Variants in NLN observed in about 807,000 individuals in gnomAD.
The protein encoded by NLN is neurolysin.
In NLN, 64 loss-of-function variants were observed where a neutral mutation model predicts 79.9. The ratio of observed to expected loss-of-function variants is 0.80; its 90% confidence interval spans 0.65 to 0.99. NLN has a LOEUF of 0.99. Ranked by LOEUF, NLN falls within the 50% of genes least tolerant of loss-of-function variation. The pLI is 0.00. For synonymous variants in NLN, 267 were observed against 296.6 expected, an observed-to-expected ratio of 0.90 and a Z score of 1.02; for missense variants, 835 against 858.7, an observed-to-expected ratio of 0.97 and a Z score of 0.34.
chr5:65,815,672 C>A (rs994616532), intron 12 of NLN, among the ~76,000 whole-genome samples: 1 of 152,126 alleles, frequency 6.6e-6, no homozygotes, highest in Admixed American at 6.5e-5. Context: ...TGGCCCCTCA[C>A]CCTCACACCC....
chr5:65,729,914 A>C (rs1046105727), intron 1 of NLN, among the ~76,000 whole-genome samples: 2 of 152,260 alleles, frequency 1.3e-5, no homozygotes, highest in African/African-American at 4.8e-5. Context: ...AGAGTCGACT[A>C]TATAAATCTA....
chr5:65,815,634 C>G (rs1431406139), intron 12 of NLN, among the ~76,000 whole-genome samples: 1 of 152,136 alleles, frequency 6.6e-6, no homozygotes, highest in Non-Finnish European at 1.5e-5. Context: ...AATAATGGAC[C>G]TGGCTCCAAA....
In NLN at chr5:65,828,976, G is replaced by A. The variant is rs531088821; in HGVS notation, c.*6061G>A. On this transcript the variant is annotated 3_prime_UTR_variant, in exon 13 of 13. Coordinates refer to ENST00000380985, the MANE Select transcript of NLN (RefSeq NM_020726.5). The stretch of plus-strand genomic sequence containing the variant: ...TACCGGTTTTCTGGTGGGTATCTGG[G>A]AACTGAGGATGGGAGATTAACTGTT... The A allele has an allele frequency of 1.3e-5, 2 of 152,324 alleles. No homozygotes were observed. Among genetic ancestry groups the A allele is most frequent in the East Asian group, 3.9e-4 (2 of 5,184 alleles). The allele number at this position is 152,324 out of a possible 1,614,324, so 9.4% of individuals were successfully genotyped here. A position where few individuals can be genotyped will look rare whatever the true frequency, so the allele number is the denominator to read the frequency against.
chr5:65,801,604 G>A (rs1392354757), intron 9 of NLN, among the ~76,000 whole-genome samples: 3 of 152,220 alleles, frequency 2.0e-5, no homozygotes, highest in African/African-American at 7.2e-5. Context: ...AAATTAGTAA[G>A]CACTAGGGTT....
chr5:65,794,352 C>T (rs758543400), intron 9 of NLN, among the ~76,000 whole-genome samples: 5 of 152,128 alleles, frequency 3.3e-5, no homozygotes, highest in Non-Finnish European at 5.9e-5. Flanking sequence ...AGCTCACACC[C>T]ACAACCCCAG....
intron 4 of NLN, among the ~76,000 whole-genome samples, chr5:65,777,937 A>C (rs184343175): frequency 2.8e-4 from 43 of 152,340 alleles, no homozygotes; most frequent in Non-Finnish European, 4.6e-4. Context: ...ACAGACAAAC[A>C]ACTGATAACT....
At chr5:65,783,703 TAA>T (rs11403265) in intron 6 of NLN, among the ~76,000 whole-genome samples, 1 of 133,360 alleles carries the variant, frequency 7.5e-6, no homozygotes. Context: ...CTATGAAAAT[TAA>T]AAAAAAAAAA....
chr5:65,728,083 G>A (rs1758517799), intron 1 of NLN, among the ~76,000 whole-genome samples: 1 of 152,008 alleles, frequency 6.6e-6, no homozygotes, highest in South Asian at 2.1e-4. Flanking sequence ...AACACAGCTT[G>A]GTTTTTTAAA....
At chr5:65,732,135 A>C (rs1177666447) in intron 1 of NLN, among the ~76,000 whole-genome samples, 1 of 152,206 alleles carries the variant, frequency 6.6e-6, no homozygotes, top group Non-Finnish European at 1.5e-5. Flanking sequence ...TTTTAAAAAG[A>C]CTTCTTCAAA....
At position 65,789,177 on chromosome 5, in the gene NLN, C is replaced by T. The variant is rs978920065; in HGVS notation, c.1325+693C>T. Among the ~76,000 whole-genome samples, 46 of 152,140 alleles carry T rather than the reference C, an allele frequency of 3.0e-4. 1 individual carries two copies. The highest frequency in any genetic ancestry group is 1.0e-3 in the African/African-American group (43 of 41,428). The stretch of plus-strand genomic sequence containing the variant: ...AAAGACTCTACTCTTCCATATTTCT[C>T]ACATGGGCTTCTTAGTATACAGATT... On this transcript the variant is annotated intron_variant, in intron 8 of 12. Coordinates refer to ENST00000380985, the MANE Select transcript of NLN (RefSeq NM_020726.5).
intron 9 of NLN, among the ~76,000 whole-genome samples, chr5:65,802,114 C>A (rs1384216533): frequency 6.6e-6 from 1 of 152,232 alleles, no homozygotes; most frequent in Non-Finnish European, 1.5e-5. Context: ...ACCTCTGTGA[C>A]CAGTGGTACC....
chr5:65,787,982 C>T lies in NLN; in HGVS notation c.959-136C>T, dbSNP rs530466664. ...TTCCTCCCTCACGTTTTTCCTCCTC[C>T]TTTACCTCTTTCCGCCTTATTTATC... On this transcript the variant is annotated intron_variant, in intron 7 of 12. Transcript: ENST00000380985. The T allele has an allele frequency of 3.6e-5, 30 of 822,594 alleles. No individual in the cohort carries two copies. The East Asian group carries it at 4.3e-4, about 12-fold the overall frequency. The allele number at this position is 822,594 out of a possible 1,614,324, so 51.0% of individuals were successfully genotyped here.
At chr5:65,741,652 G>A (rs1758871537) in intron 1 of NLN, among the ~76,000 whole-genome samples, 1 of 152,114 alleles carries the variant, frequency 6.6e-6, no homozygotes, top group South Asian at 2.1e-4. Flanking sequence ...TGTGCCAAAA[G>A]CAATTTATTC....
At chr5:65,803,772 A>G (rs1760345933) in intron 9 of NLN, among the ~76,000 whole-genome samples, 1 of 152,176 alleles carries the variant, frequency 6.6e-6, no homozygotes, top group Admixed American at 6.5e-5. Flanking sequence ...AGCTATGCCC[A>G]GGAGGGTGAG....
Position 65,788,438 on chromosome 5 carries a change from G to A in NLN, c.1279G>A (p.Ala427Thr), listed in dbSNP as rs1177277556. The change falls in exon 8 of 13, where the codon GCT (alanine) becomes ACT (threonine). Residue 427 changes from alanine to threonine, a missense_variant. Coordinates refer to ENST00000380985, the MANE Select transcript of NLN (RefSeq NM_020726.5). Reference sequence around the variant, plus strand: ...TACACTTTATACTGTGAAGGATAAAGCTACAGGAGAAGTATTGGGACAGTT... The same window carrying A: ...TACACTTTATACTGTGAAGGATAAAACTACAGGAGAAGTATTGGGACAGTT... The part of the protein sequence containing the change: ...SVTLYTVKDK[A>T]TGEVLGQFYL... The A allele has an allele frequency of 1.2e-6, 2 of 1,613,884 alleles. No individual in the cohort carries two copies. The highest frequency in any genetic ancestry group is 1.7e-6 in the Non-Finnish European group (2 of 1,179,832).
chr5:65,723,107 G>C (rs186021352), intron 1 of NLN: 10 of 152,282 alleles, frequency 6.6e-5, no homozygotes, highest in Admixed American at 1.3e-4. Flanking sequence ...TTCTTTGCAC[G>C]GATGCGCTGG....
At chr5:65,731,669 C>T (rs1474279805) in intron 1 of NLN, among the ~76,000 whole-genome samples, 2 of 149,444 alleles carry the variant, frequency 1.3e-5, no homozygotes, top group Non-Finnish European at 3.0e-5. Context: ...TTTATGATTT[C>T]TGCCTTTGGT....
intron 1 of NLN, among the ~76,000 whole-genome samples, chr5:65,736,704 C>T (rs1001188866): frequency 2.0e-5 from 3 of 152,150 alleles, no homozygotes; most frequent in Non-Finnish European, 4.4e-5. Flanking sequence ...TATTTTGTGC[C>T]TGTTTATGTC....
At chr5:65,814,673 T>C (rs1399177201) in intron 12 of NLN, among the ~76,000 whole-genome samples, 4 of 151,958 alleles carry the variant, frequency 2.6e-5, no homozygotes, top group Non-Finnish European at 5.9e-5. Context: ...CCTTTTCTCT[T>C]CTCTTTTGGA....
Sources: gnomAD v4.1 joint callset for allele counts (sites outside exome capture counted in the v4.1 genomes callset) on GRCh38, gnomAD v4.1.1 for gene constraint, MANE v1.5 for transcripts, NCBI Gene and HGNC (gene_info 2026-07-23, HGNC 2026-07-21) for gene names.